The following ELOF1 variants were observed in gnomAD, a reference collection of about 807,000 sequenced individuals.
ELOF1 encodes the protein transcription elongation factor 1 homolog.
A neutral mutation model predicts 7.1 loss-of-function variants in ELOF1; 4 were observed. That is an observed-to-expected ratio of 0.56 (90% CI 0.28 to 1.29). The LOEUF is 1.29. ELOF1 is among the 50% of genes most tolerant of loss of function. The pLI, the probability that ELOF1 is intolerant of heterozygous loss-of-function variation, is 0.10. For missense variants in ELOF1, 59 were observed against 86.3 expected (o/e 0.68, Z 1.25); for synonymous variants, 31 against 31.9 (o/e 0.97, Z 0.09).
intron 1 of ELOF1, among the ~76,000 whole-genome samples, chr19:11,558,631 T>C (rs1241209368): frequency 1.3e-5 from 2 of 150,312 alleles, no homozygotes; most frequent in Admixed American, 1.3e-4. Context: ...CTCGGCAAGC[T>C]GAAGTGGGAA....
intron 3 of ELOF1, chr19:11,553,684 C>T (rs1972774888): frequency 6.2e-7 from 1 of 1,607,110 alleles, no homozygotes; most frequent in Non-Finnish European, 8.5e-7. Flanking sequence ...GTCTCTGGAC[C>T]AGAACCGAAC....
chr19:11,553,966 G>T (rs1568421028), intron 3 of ELOF1, 45 bp downstream of exon 3: 1 of 1,613,364 alleles, frequency 6.2e-7, no homozygotes, highest in Non-Finnish European at 8.5e-7. Context: ...CCGGACTCCA[G>T]CCCCCTCCCC....
chr19:11,554,131 T>C, intron 2 of ELOF1, 50 bp from the exon 3 acceptor site: 1 of 1,613,972 alleles, frequency 6.2e-7, no homozygotes, highest in South Asian at 1.1e-5. Context: ...CCTGGGCCTG[T>C]GGGTGATGAC....
At chr19:11,555,932 T>C (rs1436995118) in intron 1 of ELOF1, among the ~76,000 whole-genome samples, 1 of 151,250 alleles carries the variant, frequency 6.6e-6, no homozygotes, top group East Asian at 1.9e-4. Context: ...GGCGGGGACA[T>C]AGTGGCTAGA....
chr19:11,554,335 TTC>T lies in ELOF1; in HGVS notation c.11_12del (p.Arg4LysfsTer32). 1 of 1,613,890 alleles carries T rather than the reference TTC, an allele frequency of 6.2e-7. No homozygotes were observed. The highest frequency in any genetic ancestry group is 8.5e-7 in the Non-Finnish European group (1 of 1,179,964). ...TTGGGAGGCGGCTTTCGTTTTGACT[TTC>T]TGCGCCCCATGTCTGCAGGTGGATG... On this transcript the variant is annotated frameshift_variant, in exon 2 of 4. Coordinates refer to ENST00000586683, the Ensembl canonical transcript of ELOF1. LOFTEE classifies it high-confidence loss of function.
chr19:11,553,905 G>A (rs1290668878), intron 3 of ELOF1, 95 bp from the exon 4 acceptor site: 2 of 1,610,288 alleles, frequency 1.2e-6, no homozygotes, highest in East Asian at 2.2e-5. Flanking sequence ...CTGTTCCTCT[G>A]GACGGCTTTG....
At chr19:11,558,594 T>C (rs370648093) in intron 1 of ELOF1, among the ~76,000 whole-genome samples, 1 of 151,708 alleles carries the variant, frequency 6.6e-6, no homozygotes, top group Non-Finnish European at 1.5e-5. Flanking sequence ...ATTACAAAAA[T>C]TAGCCTTGAG....
intron 3 of ELOF1, 40 bp downstream of exon 3, chr19:11,553,971 C>T: frequency 6.2e-7 from 1 of 1,613,920 alleles, no homozygotes; most frequent in East Asian, 2.2e-5. Flanking sequence ...CTCCAGCCCC[C>T]TCCCCACCCT....
intron 1 of ELOF1, among the ~76,000 whole-genome samples, chr19:11,558,262 C>T (rs1056359471): frequency 2.6e-5 from 4 of 151,946 alleles, no homozygotes; most frequent in Non-Finnish European, 1.5e-5. Context: ...ATAAATTAGC[C>T]GCGGCACCAC....
Position 11,553,978 on chromosome 19 carries a change from C to T in ELOF1, c.187+33G>A. The T allele has an allele frequency of 2.5e-6, 4 of 1,614,086 alleles. No homozygotes were observed. In the South Asian group the frequency reaches 3.3e-5, roughly 13 times the overall value. ...GGTCCGGACTCCAGCCCCCTCCCCA[C>T]CCTCTGGAAAAAGCCCAGGTTTCCA... is the stretch of plus-strand genomic sequence containing the variant. On this transcript the variant is annotated intron_variant, in intron 3 of 3. Coordinates refer to ENST00000586683, the Ensembl canonical transcript of ELOF1.
intron 3 of ELOF1, chr19:11,553,414 G>A: frequency 2.1e-6 from 1 of 485,116 alleles, no homozygotes; most frequent in South Asian, 3.9e-5. Flanking sequence ...GGGGCTGCAG[G>A]GAACACAGCA....
chr19:11,556,211 G>A (rs991842469), intron 1 of ELOF1, among the ~76,000 whole-genome samples: 15 of 152,176 alleles, frequency 9.9e-5, no homozygotes, highest in East Asian at 5.8e-4. Context: ...CCACTGTGAC[G>A]GGGAGGTCAG....
chr19:11,556,936 T>C (rs1413459689), intron 1 of ELOF1, among the ~76,000 whole-genome samples: 3 of 152,138 alleles, frequency 2.0e-5, no homozygotes, highest in Non-Finnish European at 4.4e-5. Flanking sequence ...TTGAGCAACA[T>C]CAAATTTTCC....
At position 11,554,348 on chromosome 19, in the gene ELOF1, G is replaced by A. The variant is rs572276283; in HGVS notation, c.-1C>T. On this transcript the variant is annotated 5_prime_UTR_variant, in exon 2 of 4. Transcript: ENST00000586683. ...TTCGTTTTGACTTTCTGCGCCCCAT[G>A]TCTGCAGGTGGATGAGCCTGTGGGG... 5 of 1,613,854 alleles carry A rather than the reference G, an allele frequency of 3.1e-6. No individual in the cohort carries two copies. In the South Asian group the frequency reaches 5.5e-5, roughly 18 times the overall value.
chr19:11,553,819 C>T lies in ELOF1; in HGVS notation c.187+192G>A. ...CACGGGTTCTGACAGATCTGGGCCA[C>T]TTAGGTCAAGGGCGATCATTGGCAT... On this transcript the variant is annotated intron_variant, in intron 3 of 3. Transcript: ENST00000586683. 6.2e-7 allele frequency: 1 copy of T among 1,614,210 alleles called. No homozygotes were observed. Among genetic ancestry groups the T allele is most frequent in the Non-Finnish European group, 8.5e-7 (1 of 1,180,036 alleles).
rs957136380 is a variant in ELOF1, at chr19:11,554,510, T to C, written c.-18-145A>G. 12 of 1,188,768 alleles carry C rather than the reference T, an allele frequency of 1.0e-5. No individual in the cohort carries two copies. The African/African-American group carries it at 1.9e-4, about 18-fold the overall frequency. 73.6% of individuals were successfully genotyped at this position (1,188,768 alleles called of 1,614,324 possible). A position where few individuals can be genotyped will look rare whatever the true frequency, so the allele number is the denominator to read the frequency against. On this transcript the variant is annotated intron_variant, in intron 1 of 3. Coordinates refer to ENST00000586683, the Ensembl canonical transcript of ELOF1. ...CCTTGAGGGACGAGGCCCTCAGTCCTGATGCAGGAGGACAATTCCCTGTCC... is the reference window on the plus strand; with the variant it reads ...CCTTGAGGGACGAGGCCCTCAGTCCCGATGCAGGAGGACAATTCCCTGTCC...
At chr19:11,555,000 T>C (rs1315533222) in intron 1 of ELOF1, 1 of 152,730 alleles carries the variant, frequency 6.5e-6, no homozygotes, top group African/African-American at 2.4e-5. Flanking sequence ...GGCTCACACT[T>C]GTAATCCCAG....
intron 3 of ELOF1, chr19:11,553,773 T>C: frequency 6.2e-7 from 1 of 1,614,138 alleles, no homozygotes; most frequent in Non-Finnish European, 8.5e-7. Flanking sequence ...CGCAGGCGTC[T>C]ATCCAATCAC....
intron 1 of ELOF1, among the ~76,000 whole-genome samples, chr19:11,557,238 A>G (rs1253869404): frequency 6.6e-6 from 1 of 152,000 alleles, no homozygotes; most frequent in African/African-American, 2.4e-5. Context: ...CCTCTGCCTC[A>G]CTGGTGGCTC....
Sources: gnomAD v4.1 joint callset for allele counts (sites outside exome capture counted in the v4.1 genomes callset) on GRCh38, gnomAD v4.1.1 for gene constraint, MANE v1.5 for transcripts, NCBI Gene and HGNC (gene_info 2026-07-23, HGNC 2026-07-21) for gene names.